The following ETV6 variants were observed in gnomAD, a reference collection of about 807,000 sequenced individuals.
ETV6 encodes transcription factor ETV6.
A neutral mutation model predicts 51.1 loss-of-function variants in ETV6; 16 were observed. The observed-to-expected ratio is 0.31, with a 90% confidence interval of 0.21 to 0.48. The LOEUF (loss-of-function observed/expected upper bound fraction) is 0.48, where lower values mean the gene tolerates loss of function less well. Ranked by LOEUF, ETV6 falls within the 20% of genes least tolerant of loss-of-function variation. ETV6 has a pLI of 0.99. For synonymous variants in ETV6, 240 were observed against 224.1 expected, an observed-to-expected ratio of 1.07 and a Z score of -0.64; for missense variants, 458 against 594.8, an observed-to-expected ratio of 0.77 and a Z score of 2.39.
intron 1 of ETV6, among the ~76,000 whole-genome samples, chr12:11,744,411 A>G (rs1474149924): frequency 6.6e-6 from 1 of 152,228 alleles, no homozygotes; most frequent in Non-Finnish European, 1.5e-5. Flanking sequence ...AGAACTAGGA[A>G]GAAAGGATTT....
At chr12:11,784,807 C>T (rs1945460355) in intron 2 of ETV6, among the ~76,000 whole-genome samples, 1 of 151,940 alleles carries the variant, frequency 6.6e-6, no homozygotes, top group South Asian at 2.1e-4. Flanking sequence ...CATGATCCTT[C>T]CGCCGCAGCC....
intron 2 of ETV6, among the ~76,000 whole-genome samples, chr12:11,838,732 C>T (rs1284924520): frequency 1.3e-5 from 2 of 152,224 alleles, no homozygotes; most frequent in African/African-American, 4.8e-5. Flanking sequence ...CACACTGACA[C>T]GTGTCATAGT....
At chr12:11,665,592 A>C (rs1864178459) in intron 1 of ETV6, among the ~76,000 whole-genome samples, 1 of 152,202 alleles carries the variant, frequency 6.6e-6, no homozygotes, top group Non-Finnish European at 1.5e-5. Flanking sequence ...ATTGAATAGA[A>C]TTTCTTAATC....
At chr12:11,857,168 G>A (rs567431269) in intron 4 of ETV6, among the ~76,000 whole-genome samples, 1 of 152,324 alleles carries the variant, frequency 6.6e-6, no homozygotes, top group East Asian at 1.9e-4. Context: ...TTCACAATGG[G>A]CATTTATATC....
chr12:11,700,455 A>G (rs1326235106), intron 1 of ETV6, among the ~76,000 whole-genome samples: 3 of 152,144 alleles, frequency 2.0e-5, no homozygotes, highest in African/African-American at 7.2e-5. Context: ...TCCTGCTTAT[A>G]AGTGAGAACA....
chr12:11,751,512 A>T (rs1459692106), intron 1 of ETV6: 2 of 508,394 alleles, frequency 3.9e-6, no homozygotes, highest in African/African-American at 3.9e-5. Flanking sequence ...TACAAATTGC[A>T]CTGCTGTTTT....
chr12:11,788,052 C>T (rs1007634311), intron 2 of ETV6, among the ~76,000 whole-genome samples: 1 of 152,136 alleles, frequency 6.6e-6, no homozygotes, highest in Non-Finnish European at 1.5e-5. Flanking sequence ...AGCCCTCATC[C>T]ATCATGCCTT....
chr12:11,716,778 G>C (rs118154753), intron 1 of ETV6: 1 of 152,144 alleles, frequency 6.6e-6, no homozygotes, highest in African/African-American at 2.4e-5. Flanking sequence ...GCTGTAGTAG[G>C]TTGAGCTTAT....
At chr12:11,686,637 C>G (rs963755698) in intron 1 of ETV6, among the ~76,000 whole-genome samples, 2 of 152,194 alleles carry the variant, frequency 1.3e-5, no homozygotes, top group African/African-American at 4.8e-5. Flanking sequence ...AAGTCATTCT[C>G]CTGCCTCAGC....
intron 1 of ETV6, among the ~76,000 whole-genome samples, chr12:11,725,279 T>G (rs1268500223): frequency 6.6e-6 from 1 of 152,122 alleles, no homozygotes; most frequent in African/African-American, 2.4e-5. Flanking sequence ...AGAAAATTCT[T>G]TTGTGCAGCG....
At chr12:11,671,773 C>T (rs1213061828) in intron 1 of ETV6, among the ~76,000 whole-genome samples, 1 of 152,042 alleles carries the variant, frequency 6.6e-6, no homozygotes, top group East Asian at 1.9e-4. Flanking sequence ...CTCCTGACTC[C>T]CACCAGTGTA....
chr12:11,745,090 T>G (rs2724637), intron 1 of ETV6, among the ~76,000 whole-genome samples: 7,425 of 152,246 alleles, frequency 0.049, 586 homozygotes, highest in African/African-American at 0.17. Context: ...AGTAGAACCC[T>G]AGGATCCTGT....
chr12:11,726,863 C>T (rs1003042666), intron 1 of ETV6, among the ~76,000 whole-genome samples: 14 of 152,222 alleles, frequency 9.2e-5, no homozygotes, highest in African/African-American at 3.1e-4. Context: ...GCCACTGTCA[C>T]ACTGCAGTGT....
At chr12:11,688,707 A>G (rs996269087) in intron 1 of ETV6, among the ~76,000 whole-genome samples, 1 of 152,158 alleles carries the variant, frequency 6.6e-6, no homozygotes, top group Admixed American at 6.5e-5. Flanking sequence ...AAACCCCAGG[A>G]GGAGTGTGGT....
In ETV6 at chr12:11,752,190, G is replaced by GT. The variant is rs56260120; in HGVS notation, c.34-259dup. 0.015 allele frequency among the ~76,000 whole-genome samples: 2,325 copies of GT among 152,204 alleles called. 33 individuals are homozygous for GT. Among genetic ancestry groups the GT allele is most frequent in the Non-Finnish European group, 0.025 (1,728 of 68,010 alleles). On this transcript the variant is annotated intron_variant, in intron 1 of 7. Transcript: ENST00000396373. ...TTTTTACTTGTACAAACCACAGGGTGTACACCTATTGACATGAGTCCAAAG... is the reference window on the plus strand; with the variant it reads ...TTTTTACTTGTACAAACCACAGGGTGTTACACCTATTGACATGAGTCCAAAG...
At chr12:11,748,658 G>C (rs1307516517) in intron 1 of ETV6, among the ~76,000 whole-genome samples, 1 of 152,146 alleles carries the variant, frequency 6.6e-6, no homozygotes, top group Non-Finnish European at 1.5e-5. Context: ...ACCTGAGGGT[G>C]GGTGTGGGGG....
intron 1 of ETV6, among the ~76,000 whole-genome samples, chr12:11,704,897 T>C (rs1865045029): frequency 6.6e-6 from 1 of 152,158 alleles, no homozygotes; most frequent in South Asian, 2.1e-4. Flanking sequence ...TGCCACAACA[T>C]GGATAGACCT....
intron 2 of ETV6, among the ~76,000 whole-genome samples, chr12:11,783,068 G>A (rs536447946): frequency 9.6e-4 from 146 of 152,206 alleles, no homozygotes; most frequent in African/African-American, 3.4e-3. Flanking sequence ...TCAGAGAGAT[G>A]GAGTGAAAGA....
intron 1 of ETV6, among the ~76,000 whole-genome samples, chr12:11,720,994 A>G (rs1315562065): frequency 6.6e-6 from 1 of 152,240 alleles, no homozygotes; most frequent in African/African-American, 2.4e-5. Flanking sequence ...TCATCAGAGA[A>G]ATGCAAATCA....
Sources: allele counts gnomAD v4.1 joint callset (sites outside exome capture counted in the v4.1 genomes callset), GRCh38; gene constraint gnomAD v4.1.1; transcripts MANE v1.5; gene names NCBI Gene and HGNC (gene_info 2026-07-23, HGNC 2026-07-21).